ABCA1: variants seen among roughly 807,000 people sequenced by gnomAD.
ABCA1 encodes the protein ATP binding cassette subfamily A member 1.
Under a neutral mutation model 262.5 loss-of-function variants are expected in ABCA1, and 133 were observed. The observed-to-expected ratio is 0.51, with a 90% CI of 0.44 to 0.59. The LOEUF (loss-of-function observed/expected upper bound fraction) is 0.59. Ranked by LOEUF, ABCA1 falls within the 20% of genes least tolerant of loss-of-function variation. The pLI is 0.00. For missense variants in ABCA1, 2,452 were observed against 2,777.5 expected (o/e 0.88, Z 2.63); for synonymous variants, 1,022 against 1,043.5 (o/e 0.98, Z 0.40).
chr9:104,800,118 G>T (rs1056739475), intron 35 of ABCA1, 130 bp from the exon 36 acceptor site: 14 of 1,004,130 alleles, frequency 1.4e-5, no homozygotes, highest in Non-Finnish European at 2.0e-5. Context: ...AAAACACTAT[G>T]ATCAGAGAAT....
intron 49 of ABCA1, 25 bp downstream of exon 49, chr9:104,785,371 A>T: frequency 6.2e-7 from 1 of 1,613,554 alleles, no homozygotes. Flanking sequence ...TGAGAAGTAA[A>T]TCTGTTTTGA....
At chr9:104,786,273 A>G (rs1021145552) in intron 48 of ABCA1, 25 bp downstream of exon 48, 1 of 1,574,200 alleles carries the variant, frequency 6.4e-7, no homozygotes, top group Non-Finnish European at 8.7e-7. Flanking sequence ...ACTAGGCACT[A>G]TCCCAAAGAA....
At chr9:104,876,480 G>A (rs998591069) in intron 5 of ABCA1, among the ~76,000 whole-genome samples, 1 of 152,234 alleles carries the variant, frequency 6.6e-6, no homozygotes, top group Non-Finnish European at 1.5e-5. Context: ...GGAGTTGAAT[G>A]AGAGTCTGTA....
chr9:104,892,651 T>C (rs1276157347), intron 2 of ABCA1, among the ~76,000 whole-genome samples: 2 of 152,174 alleles, frequency 1.3e-5, no homozygotes, highest in African/African-American at 4.8e-5. Flanking sequence ...TTAAAAATGT[T>C]TGGTGAGTAA....
intron 25 of ABCA1, among the ~76,000 whole-genome samples, chr9:104,815,803 C>A (rs1386496722): frequency 6.6e-6 from 1 of 152,106 alleles, no homozygotes; most frequent in Non-Finnish European, 1.5e-5. Context: ...CCCAAGTGAT[C>A]CTGATGCCGC....
At chr9:104,875,168 AAAAT>A (rs1430465528) in intron 5 of ABCA1, among the ~76,000 whole-genome samples, 12 of 152,196 alleles carry the variant, frequency 7.9e-5, no homozygotes, top group South Asian at 2.1e-4. Flanking sequence ...GCCTTGAAAA[AAAAT>A]AAATAAATAA....
intron 15 of ABCA1, 145 bp from the exon 16 acceptor site, chr9:104,827,314 C>CA: frequency 2.7e-6 from 2 of 748,786 alleles, no homozygotes; most frequent in Non-Finnish European, 4.7e-6. Context: ...TCTGATGAGG[C>CA]AACTGATCAT....
At chr9:104,865,488 C>A (rs980019324) in intron 5 of ABCA1, among the ~76,000 whole-genome samples, 2 of 146,290 alleles carry the variant, frequency 1.4e-5, no homozygotes, top group African/African-American at 2.7e-5. Context: ...TGCACTCCAG[C>A]CTGGGTGACA....
At chr9:104,861,558 T>G in intron 6 of ABCA1, 121 bp downstream of exon 6, 1 of 1,413,178 alleles carries the variant, frequency 7.1e-7, no homozygotes, top group East Asian at 2.3e-5. Context: ...GAAGTTGTAT[T>G]CAAACTACCT....
rs373172741 is a variant in ABCA1, at chr9:104,794,347, C to G, written c.5506+40G>C. 5.0e-6 allele frequency: 8 copies of G among 1,613,542 alleles called. No homozygotes were observed. In the African/African-American group the frequency reaches 1.1e-4, roughly 22 times the overall value. On this transcript the variant is annotated intron_variant, in intron 40 of 49. Coordinates refer to ENST00000374736, the MANE Select transcript of ABCA1 (RefSeq NM_005502.4). ...GGGTACCAAGGCCTATGCAGAGTGC[C>G]ATCTCCATTAAAGCATCCTACAGCC...
intron 5 of ABCA1, among the ~76,000 whole-genome samples, chr9:104,863,908 G>T (rs4149283): frequency 0.059 from 9,002 of 152,268 alleles, 454 homozygotes; most frequent in East Asian, 0.29. Flanking sequence ...GGGAGCATGC[G>T]AAAATGCAGT....
chr9:104,871,577 G>T (rs1363771809), intron 5 of ABCA1, among the ~76,000 whole-genome samples: 6 of 152,084 alleles, frequency 3.9e-5, no homozygotes, highest in Non-Finnish European at 8.8e-5. Flanking sequence ...ACATAACATT[G>T]ACCCAAATGA....
intron 5 of ABCA1, among the ~76,000 whole-genome samples, chr9:104,862,648 C>CCCCCA (rs1836581104): frequency 1.2e-3 from 5 of 4,302 alleles, no homozygotes; most frequent in African/African-American, 3.0e-3. Flanking sequence ...CCGGGCCGGG[C>CCCCCA]CGGGCCGGGC....
chr9:104,801,763 C>T lies in ABCA1; in HGVS notation c.4698+291G>A, dbSNP rs1389317688. Among the ~76,000 whole-genome samples the T allele has an allele frequency of 2.0e-5, 3 of 152,098 alleles. No individual in the cohort carries two copies. In the South Asian group the frequency reaches 6.2e-4, roughly 32 times the overall value. On this transcript the variant is annotated intron_variant, in intron 34 of 49. Transcript: ENST00000374736. ...TTTGTCATGTAGGCCAGGCTGGTCT[C>T]GAACTCCTGACCTCAAGTGATCCAC... is the stretch of plus-strand genomic sequence containing the variant.
At chr9:104,852,192 A>G (rs1835434951) in intron 7 of ABCA1, among the ~76,000 whole-genome samples, 1 of 152,224 alleles carries the variant, frequency 6.6e-6, no homozygotes, top group African/African-American at 2.4e-5. Context: ...TCAGGCTGGG[A>G]TTAGTATGTT....
intron 27 of ABCA1, 104 bp downstream of exon 27, chr9:104,814,014 A>C (rs772034629): frequency 9.6e-6 from 11 of 1,149,736 alleles, no homozygotes; most frequent in Non-Finnish European, 1.4e-5. Flanking sequence ...CTCTGTAGGG[A>C]TCTATCACCT....
rs1447576718 is a variant in ABCA1 at position 104,837,063 on chromosome 9, G to A, written c.1228C>T (p.His410Tyr). The change falls in exon 11 of 50, where the codon CAT (histidine) becomes TAT (tyrosine). Residue 410 changes from histidine (H) to tyrosine (Y), a missense_variant. Coordinates refer to ENST00000374736, the MANE Select transcript of ABCA1 (RefSeq NM_005502.4). ...TCCTCCCACATGCCTTCCAGATCAT[G>A]GAACACAGCCAGTTCCTGGAAGGTC... The part of the protein sequence containing the change: ...NKTFQELAVF[H>Y]DLEGMWEELS... The A allele has an allele frequency of 1.9e-6, 3 of 1,613,790 alleles. No homozygotes were observed. In the Admixed American group the frequency reaches 5.0e-5, roughly 27 times the overall value.
At chr9:104,926,877 C>T (rs187855369) in intron 1 of ABCA1, among the ~76,000 whole-genome samples, 366 of 152,340 alleles carry the variant, frequency 2.4e-3, no homozygotes, top group African/African-American at 8.3e-3. Context: ...GGCACCCCAC[C>T]TCCGGGTCTC....
intron 1 of ABCA1, among the ~76,000 whole-genome samples, chr9:104,918,195 C>T (rs1353639167): frequency 4.6e-5 from 7 of 151,946 alleles, no homozygotes; most frequent in Non-Finnish European, 8.8e-5. Context: ...CAAGTGTGAA[C>T]CAAGGCAAAT....
Sources: allele counts gnomAD v4.1 joint callset (sites outside exome capture counted in the v4.1 genomes callset), GRCh38; gene constraint gnomAD v4.1.1; transcripts MANE v1.5; gene names NCBI Gene and HGNC (gene_info 2026-07-23, HGNC 2026-07-21).